The following ME1 variants were observed in gnomAD, a reference collection of about 807,000 sequenced individuals.
ME1 encodes the protein malic enzyme 1, also known as NADP-dependent malic enzyme.
In ME1, 74 loss-of-function variants were observed where a neutral mutation model predicts 66.4. The ratio of observed to expected loss-of-function variants is 1.11; its 90% CI spans 0.92 to 1.35. The LOEUF (loss-of-function observed/expected upper bound fraction) is 1.35. Among genes scored for constraint, ME1 ranks in the 40% most tolerant of loss-of-function variants. The pLI is 0.00. For missense variants in ME1, 750 were observed against 694.1 expected (o/e 1.08, Z -0.90); for synonymous variants, 251 against 235.6 (o/e 1.07, Z -0.60).
chr6:83,323,096 A>C lies in ME1; in HGVS notation c.601-7683T>G, dbSNP rs145332742. On this transcript the variant is annotated intron_variant, in intron 5 of 13. Coordinates refer to ENST00000369705, the MANE Select transcript of ME1 (RefSeq NM_002395.6). ...GGAGAAATAAAATCCTTTACAGACA[A>C]GCAAATGCTGAGGGATTTTGTCACC... Among the ~76,000 whole-genome samples, 95 of 152,346 alleles carry C rather than the reference A, an allele frequency of 6.2e-4. No individual in the cohort carries two copies. In the East Asian group the frequency reaches 6.9e-3, roughly 11 times the overall value.
intron 6 of ME1, among the ~76,000 whole-genome samples, chr6:83,269,766 C>A (rs935125162): frequency 8.5e-5 from 13 of 152,132 alleles, no homozygotes; most frequent in Non-Finnish European, 1.6e-4. Context: ...AGGATTAAGT[C>A]TTCCAAAATG....
chr6:83,313,205 G>A (rs1767963203), intron 6 of ME1, among the ~76,000 whole-genome samples: 1 of 152,118 alleles, frequency 6.6e-6, no homozygotes, highest in Admixed American at 6.5e-5. Flanking sequence ...ATTGGGTAGT[G>A]TTAGGTTTCA....
intron 5 of ME1, among the ~76,000 whole-genome samples, chr6:83,325,166 C>A (rs150997301): frequency 1.3e-5 from 2 of 152,104 alleles, no homozygotes; most frequent in Non-Finnish European, 2.9e-5. Context: ...ATTCAACAAC[C>A]CTTCATGCTA....
At chr6:83,320,884 C>T (rs961926358) in intron 5 of ME1, among the ~76,000 whole-genome samples, 9 of 152,166 alleles carry the variant, frequency 5.9e-5, no homozygotes, top group Non-Finnish European at 8.8e-5. Flanking sequence ...ATAGGAACAG[C>T]TCCGGTCTGC....
At chr6:83,233,617 GTTTTTGACATGGTGTT>G (rs1790342134) in intron 9 of ME1, among the ~76,000 whole-genome samples, 1 of 151,920 alleles carries the variant, frequency 6.6e-6, no homozygotes, top group Admixed American at 6.6e-5. Flanking sequence ...TCATGTTTGA[GTTTTTGACATGGTGTT>G]TTTAAAAAGT....
intron 12 of ME1, among the ~76,000 whole-genome samples, chr6:83,222,127 C>T (rs1790105867): frequency 6.6e-6 from 1 of 152,108 alleles, no homozygotes; most frequent in African/African-American, 2.4e-5. Flanking sequence ...CTGCAGGTAA[C>T]CAAAACTCTG....
intron 6 of ME1, among the ~76,000 whole-genome samples, chr6:83,314,264 C>A (rs1767984160): frequency 6.6e-6 from 1 of 152,120 alleles, no homozygotes; most frequent in Admixed American, 6.6e-5. Flanking sequence ...TTGAGCATCT[C>A]TAATCCAAAA....
intron 6 of ME1, among the ~76,000 whole-genome samples, chr6:83,314,897 C>G: frequency 6.6e-6 from 1 of 152,098 alleles, no homozygotes; most frequent in Non-Finnish European, 1.5e-5. Flanking sequence ...TCCTTTGTGG[C>G]TGGTGGTTGA....
chr6:83,291,863 T>C (rs1767510088), intron 6 of ME1, among the ~76,000 whole-genome samples: 1 of 152,128 alleles, frequency 6.6e-6, no homozygotes. Flanking sequence ...CTTTATTTCA[T>C]TAATTTGATC....
chr6:83,233,031 T>G (rs534448843), intron 9 of ME1, among the ~76,000 whole-genome samples: 1 of 152,286 alleles, frequency 6.6e-6, no homozygotes, highest in South Asian at 2.1e-4. Flanking sequence ...ACTTTTTATT[T>G]TGAAGTTCTG....
chr6:83,315,076 G>T (rs559109605), intron 6 of ME1, among the ~76,000 whole-genome samples: 1 of 151,888 alleles, frequency 6.6e-6, no homozygotes, highest in South Asian at 2.1e-4. Context: ...GGTTCTAAAG[G>T]TTCTTGTAAA....
intron 3 of ME1, among the ~76,000 whole-genome samples, chr6:83,396,335 G>A (rs1769730585): frequency 6.6e-6 from 1 of 152,022 alleles, no homozygotes; most frequent in Non-Finnish European, 1.5e-5. Context: ...CTACACTCCA[G>A]ACAAAGTAAG....
intron 2 of ME1, among the ~76,000 whole-genome samples, chr6:83,399,315 T>C (rs1279466833): frequency 6.6e-6 from 1 of 152,110 alleles, no homozygotes; most frequent in African/African-American, 2.4e-5. Context: ...TCTTAAATAT[T>C]GCAAAGAATA....
chr6:83,305,869 A>G (rs1767815031), intron 6 of ME1, among the ~76,000 whole-genome samples: 1 of 152,096 alleles, frequency 6.6e-6, no homozygotes, highest in Admixed American at 6.6e-5. Context: ...CGCATCTTTA[A>G]TCTCTAATAA....
chr6:83,330,527 C>T (rs1440806067), intron 5 of ME1, among the ~76,000 whole-genome samples: 1 of 152,052 alleles, frequency 6.6e-6, no homozygotes, highest in Admixed American at 6.6e-5. Flanking sequence ...AACACATGCC[C>T]CTGATAATTC....
At position 83,418,044 on chromosome 6, in the gene ME1, C is replaced by T. The variant is rs973577516; in HGVS notation, c.79-10143G>A. 2.0e-5 allele frequency among the ~76,000 whole-genome samples: 3 copies of T among 152,248 alleles called. No individual in the cohort carries two copies. The South Asian group carries it at 6.2e-4, about 32-fold the overall frequency. ...GTTTCAGTTTCTTAAGGGATATATA[C>T]CTCAGACATGATATTCCCAGAAACA... On this transcript the variant is annotated intron_variant, in intron 1 of 13. Coordinates refer to ENST00000369705, the MANE Select transcript of ME1 (RefSeq NM_002395.6).
intron 12 of ME1, among the ~76,000 whole-genome samples, chr6:83,218,145 C>T (rs763066589): frequency 1.3e-5 from 2 of 152,086 alleles, no homozygotes; most frequent in African/African-American, 2.4e-5. Context: ...GACAAAGATA[C>T]GTTAACTATT....
chr6:83,425,884 G>A (rs1264330540), intron 1 of ME1, among the ~76,000 whole-genome samples: 1 of 148,548 alleles, frequency 6.7e-6, no homozygotes, highest in Admixed American at 6.8e-5. Flanking sequence ...TCCTACTATG[G>A]TTTCAATCTG....
intron 6 of ME1, among the ~76,000 whole-genome samples, chr6:83,285,569 G>C (rs1049924820): frequency 6.6e-6 from 1 of 152,166 alleles, no homozygotes; most frequent in Non-Finnish European, 1.5e-5. Context: ...ATATTGAAGG[G>C]AAGTCTTCAC....
Sources: gnomAD v4.1 joint callset for allele counts (sites outside exome capture counted in the v4.1 genomes callset) on GRCh38, gnomAD v4.1.1 for gene constraint, MANE v1.5 for transcripts, NCBI Gene and HGNC (gene_info 2026-07-23, HGNC 2026-07-21) for gene names.